SPATA13: variants seen among roughly 807,000 people sequenced by gnomAD.
SPATA13 encodes spermatogenesis associated 13, also known as spermatogenesis-associated protein 13.
In SPATA13, 50 loss-of-function variants were observed where a neutral mutation model predicts 104.0. That is an observed-to-expected ratio of 0.48 (90% CI 0.38 to 0.61). SPATA13 has a LOEUF of 0.61. Among genes scored for constraint, SPATA13 ranks in the 20% least tolerant of loss-of-function variants. The pLI, the probability that SPATA13 is intolerant of heterozygous loss-of-function variation, is 0.00. For missense variants in SPATA13, 1,524 were observed against 1,690.6 expected, an observed-to-expected ratio of 0.90 and a Z score of 1.73; for synonymous variants, 606 against 667.5, an observed-to-expected ratio of 0.91 and a Z score of 1.42.
rs866560969 is a variant in SPATA13, at chr13:24,014,508, A to G, written c.-146-3159A>G. 3.9e-5 allele frequency among the ~76,000 whole-genome samples: 6 copies of G among 152,244 alleles called. No individual in the cohort carries two copies. In the South Asian group the frequency reaches 6.2e-4, roughly 16 times the overall value. On this transcript the variant is annotated intron_variant, in intron 2 of 14. Coordinates refer to the SPATA13 transcript ENST00000424834. ...ATATTTTGCATGTTATATGTACTGT[A>G]TACTGTAGTCTTACAATAAAGTAAG...
At chr13:24,131,862 A>G (rs1178039283) in intron 3 of SPATA13, among the ~76,000 whole-genome samples, 1 of 152,186 alleles carries the variant, frequency 6.6e-6, no homozygotes, top group Non-Finnish European at 1.5e-5. Context: ...GGGAAGGCAG[A>G]TTAGAGAGGT....
At chr13:24,216,436 C>G (rs543687299) in intron 1 of SPATA13, among the ~76,000 whole-genome samples, 1 of 152,212 alleles carries the variant, frequency 6.6e-6, no homozygotes, top group African/African-American at 2.4e-5. Flanking sequence ...GACAATCACA[C>G]GCTTGTATGA....
intron 3 of SPATA13, among the ~76,000 whole-genome samples, chr13:24,108,109 G>C (rs1457887416): frequency 6.6e-6 from 1 of 152,198 alleles, no homozygotes; most frequent in Non-Finnish European, 1.5e-5. Context: ...CCTCTGGAGG[G>C]GTGAATGCTG....
chr13:24,037,234 A>T (rs894627230), intron 3 of SPATA13, among the ~76,000 whole-genome samples: 1 of 149,208 alleles, frequency 6.7e-6, no homozygotes, highest in African/African-American at 2.4e-5. Context: ...GGATGGCATT[A>T]GGAGATATAC....
Position 24,051,444 on chromosome 13 carries a change from C to A in SPATA13, c.-112+33743C>A, listed in dbSNP as rs551506164. Among the ~76,000 whole-genome samples, 2 of 152,320 alleles carry A rather than the reference C, an allele frequency of 1.3e-5. No individual in the cohort carries two copies. The highest frequency in any genetic ancestry group is 3.9e-4 in the East Asian group (2 of 5,180). On this transcript the variant is annotated intron_variant, in intron 3 of 14. Coordinates refer to the SPATA13 transcript ENST00000424834. This position sits in a 1 kb window ranked among gnomAD's most constrained non-coding sequence, Gnocchi z 4.2. ...CCAGGTACAGCCTGCCAGGCTCTCG[C>A]CTCCAGTTTCACACATCCTTGCACC...
chr13:24,154,552 C>T (rs754250240), intron 3 of SPATA13, among the ~76,000 whole-genome samples: 29 of 152,232 alleles, frequency 1.9e-4, no homozygotes, highest in Admixed American at 9.8e-4. Context: ...ATAAGGGAGT[C>T]TTTTGAGGCG....
chr13:24,166,641 C>G (rs182021085), intron 1 of SPATA13, among the ~76,000 whole-genome samples: 1 of 152,170 alleles, frequency 6.6e-6, no homozygotes, highest in Non-Finnish European at 1.5e-5. Context: ...TCCCACCAGA[C>G]CTATAAATTA....
In SPATA13 at chr13:24,302,883, C is replaced by G. The variant is rs944099130; in HGVS notation, c.*110C>G. On this transcript the variant is annotated 3_prime_UTR_variant, in exon 13 of 13. Transcript: ENST00000382108. Reference sequence around the variant, plus strand: ...TCTTGGACCCAGTGATAAAAACTTCCTTTTAGGGATCAATGAAGGAGAGAA... The same window carrying G: ...TCTTGGACCCAGTGATAAAAACTTCGTTTTAGGGATCAATGAAGGAGAGAA... The G allele has an allele frequency of 1.4e-6, 2 of 1,388,788 alleles. No homozygotes were observed. Among genetic ancestry groups the G allele is most frequent in the Middle Eastern group, 3.6e-4 (2 of 5,622 alleles). The allele number at this position is 1,388,788 out of a possible 1,614,324, so 86.0% of individuals were successfully genotyped here. A position where few individuals can be genotyped will look rare whatever the true frequency, so the allele number is the denominator to read the frequency against.
At chr13:24,231,017 T>G (rs1364114120) in intron 2 of SPATA13, among the ~76,000 whole-genome samples, 1 of 152,168 alleles carries the variant, frequency 6.6e-6, no homozygotes, top group Non-Finnish European at 1.5e-5. Context: ...AAATGTAGTG[T>G]GTGCAGCCAC....
intron 1 of SPATA13, among the ~76,000 whole-genome samples, chr13:24,162,751 G>C (rs1882557376): frequency 6.6e-6 from 1 of 152,232 alleles, no homozygotes; most frequent in Admixed American, 6.5e-5. Flanking sequence ...CCATTTGACA[G>C]ATGAGAAAAG....
At chr13:24,063,712 T>C (rs1243663438) in intron 3 of SPATA13, among the ~76,000 whole-genome samples, 1 of 152,210 alleles carries the variant, frequency 6.6e-6, no homozygotes, top group Non-Finnish European at 1.5e-5. Context: ...AGCCTTCTCG[T>C]TGCTGATGTT....
Position 24,092,716 on chromosome 13 carries a change from C to T in SPATA13, c.-112+75015C>T, listed in dbSNP as rs78885470. Among the ~76,000 whole-genome samples the T allele has an allele frequency of 1.4e-4, 21 of 152,292 alleles. 1 individual carries two copies. The East Asian group carries it at 4.0e-3, about 29-fold the overall frequency. On this transcript the variant is annotated intron_variant, in intron 3 of 14. Transcript: ENST00000424834. ...GTACTGTTTATTCCCTTTCAAACTG[C>T]CACATTTGGCAGCTTGCTATTTCTA...
intron 3 of SPATA13, among the ~76,000 whole-genome samples, chr13:24,095,289 A>C (rs774382055): frequency 2.6e-5 from 4 of 152,280 alleles, no homozygotes; most frequent in Non-Finnish European, 5.9e-5. Flanking sequence ...CAAGGACATT[A>C]CACTAAGTGA....
intron 3 of SPATA13, among the ~76,000 whole-genome samples, chr13:24,126,599 C>G (rs2146688): frequency 0.014 from 2,064 of 152,278 alleles, 18 homozygotes; most frequent in Non-Finnish European, 0.022. Flanking sequence ...TTCTGTCACT[C>G]AGGCTGGAGT....
chr13:24,223,887 G>A lies in SPATA13; in HGVS notation c.958G>A (p.Val320Ile). 6.4e-7 allele frequency: 1 copy of A among 1,551,686 alleles called. No individual in the cohort carries two copies. Among genetic ancestry groups the A allele is most frequent in the Non-Finnish European group, 8.7e-7 (1 of 1,147,014 alleles). The change falls in exon 2 of 13, where the codon GTC (valine) becomes ATC (isoleucine). Residue 320 changes from valine (V) to isoleucine (I), a missense_variant. Physicochemically the swap from Val to Ile is conservative, Grantham distance 29. Transcript: ENST00000382108. ...GATAAGGGCCAAGGACTTTGACAGAGTCTTCAAACTTGTGAGCAATGTGAC... is the reference window on the plus strand; with the variant it reads ...GATAAGGGCCAAGGACTTTGACAGAATCTTCAAACTTGTGAGCAATGTGAC... ...SPIRAKDFDR[V>I]FKLVSNVTEA...
At position 24,286,301 on chromosome 13, in the gene SPATA13, G is replaced by A; in HGVS notation, c.2389G>A (p.Asp797Asn). 1 of 1,613,888 alleles carries A rather than the reference G, an allele frequency of 6.2e-7. No homozygotes were observed. Among genetic ancestry groups the A allele is most frequent in the South Asian group, 1.1e-5 (1 of 91,046 alleles). The change falls in exon 6 of 13, where the codon GAT (aspartate) becomes AAT (asparagine). Residue 797 changes from aspartate (D) to asparagine (N), a missense_variant. Transcript: ENST00000382108. The surrounding 1 kb of genome is among the most constrained non-coding windows in gnomAD (Gnocchi z 4.9). ...CCAGGAACTGGGCTTCAAAGCCGGG[G>A]ATGTCATCCAGGTTCTGGAAGCCTC... is the stretch of plus-strand genomic sequence containing the variant. The part of the protein sequence containing the change: ...DDQELGFKAG[D>N]VIQVLEASNK...
In SPATA13 at chr13:24,191,745, T is replaced by G. The variant is rs544238949; in HGVS notation, c.-112+30813T>G. Reference sequence around the variant, plus strand: ...CAGGATGGTCTTGATCTCCTGACCTTGTGATCCGCCCGCCTCAGTCTCCCA... The same window carrying G: ...CAGGATGGTCTTGATCTCCTGACCTGGTGATCCGCCCGCCTCAGTCTCCCA... On this transcript the variant is annotated intron_variant, in intron 1 of 12. Transcript: ENST00000382108. Among the ~76,000 whole-genome samples, 6 of 152,018 alleles carry G rather than the reference T, an allele frequency of 3.9e-5. No individual in the cohort carries two copies. In the East Asian group the frequency reaches 1.2e-3, roughly 30 times the overall value.
chr13:24,208,744 G>A (rs1450160449), intron 1 of SPATA13, among the ~76,000 whole-genome samples: 1 of 152,196 alleles, frequency 6.6e-6, no homozygotes, highest in Admixed American at 6.5e-5. Context: ...GTTTTAATCA[G>A]CTGGCTGGAA....
At chr13:24,274,509 G>A (rs994580465) in intron 4 of SPATA13, among the ~76,000 whole-genome samples, 6 of 152,210 alleles carry the variant, frequency 3.9e-5, no homozygotes. Context: ...ATGTTTTGAC[G>A]TTGTCAGTTC....
Sources: gnomAD v4.1 joint callset for allele counts (sites outside exome capture counted in the v4.1 genomes callset) on GRCh38, gnomAD v4.1.1 for gene constraint, Gnocchi (gnomAD v3.1) non-coding constraint, MANE v1.5 for transcripts, NCBI Gene and HGNC (gene_info 2026-07-23, HGNC 2026-07-21) for gene names.